Variants in SPON1 observed in about 807,000 individuals in gnomAD.
SPON1 encodes the protein spondin 1.
SPON1 carries 52 observed loss-of-function variants against 111.7 expected under a neutral mutation model. The ratio of observed to expected loss-of-function variants is 0.47; its 90% CI spans 0.37 to 0.59. The LOEUF is 0.59. Ranked by LOEUF, SPON1 falls within the 20% of genes least tolerant of loss-of-function variation. SPON1 has a pLI of 0.00. For synonymous variants in SPON1, 410 were observed against 395.8 expected (o/e 1.04, Z -0.43); for missense variants, 957 against 1,068.5 (o/e 0.90, Z 1.46).
intron 7 of SPON1, among the ~76,000 whole-genome samples, chr11:14,246,125 A>G (rs1450125200): frequency 6.6e-6 from 1 of 152,148 alleles, no homozygotes; most frequent in African/African-American, 2.4e-5. Context: ...GTTTGTGGGT[A>G]CCAATTTTTA....
At chr11:14,184,921 C>T (rs371993271) in intron 6 of SPON1, among the ~76,000 whole-genome samples, 2 of 152,196 alleles carry the variant, frequency 1.3e-5, no homozygotes, top group Admixed American at 6.5e-5. Context: ...CCTCAGATTC[C>T]GTGGAACCCA....
intron 2 of SPON1, among the ~76,000 whole-genome samples, chr11:14,028,678 G>A (rs1248655480): frequency 6.6e-6 from 1 of 152,086 alleles, no homozygotes. Context: ...ATGACTCAAA[G>A]TCATGGTCAT....
intron 2 of SPON1, among the ~76,000 whole-genome samples, chr11:14,007,772 G>A (rs1848373845): frequency 6.6e-6 from 1 of 152,128 alleles, no homozygotes; most frequent in Non-Finnish European, 1.5e-5. Flanking sequence ...GGGGGCTGGG[G>A]ACTCCTGCTC....
At chr11:14,087,289 T>G (rs971944907) in intron 5 of SPON1, among the ~76,000 whole-genome samples, 1 of 152,238 alleles carries the variant, frequency 6.6e-6, no homozygotes, top group African/African-American at 2.4e-5. Context: ...TTTGTGCTTA[T>G]AAATTTCCCT....
chr11:14,121,997 C>G (rs1011581867), intron 5 of SPON1, among the ~76,000 whole-genome samples: 1 of 151,290 alleles, frequency 6.6e-6, no homozygotes, highest in African/African-American at 2.4e-5. Context: ...TGTCTTTTAT[C>G]GCTTTTTGTT....
At chr11:14,076,374 A>C (rs1848918028) in intron 4 of SPON1, among the ~76,000 whole-genome samples, 1 of 152,238 alleles carries the variant, frequency 6.6e-6, no homozygotes, top group South Asian at 2.1e-4. Context: ...ACTAAGAAAA[A>C]GAAAGGTTGA....
At position 14,265,901 on chromosome 11, in the gene SPON1, T is replaced by G; in HGVS notation, c.*214T>G. ...GGCGCCCTCACCTCCAGCCAGCCTC[T>G]TCCTGCAGAGGAGTAGTGTCAGCCA... On this transcript the variant is annotated 3_prime_UTR_variant, in exon 16 of 16. Coordinates refer to ENST00000576479, the MANE Select transcript of SPON1 (RefSeq NM_006108.4). The G allele has an allele frequency of 2.0e-6, 1 of 508,122 alleles. No individual in the cohort carries two copies. The highest frequency in any genetic ancestry group is 3.5e-6 in the Non-Finnish European group (1 of 285,354). The allele number at this position is 508,122 out of a possible 1,614,324, so 31.5% of individuals were successfully genotyped here. A position where few individuals can be genotyped will look rare whatever the true frequency, so the allele number is the denominator to read the frequency against.
intron 6 of SPON1, among the ~76,000 whole-genome samples, chr11:14,165,562 G>A (rs1236227157): frequency 2.6e-5 from 4 of 152,258 alleles, no homozygotes; most frequent in African/African-American, 7.2e-5. Context: ...GGTAAATAAC[G>A]AGTCCGAGGA....
At chr11:14,110,064 A>C (rs1009389876) in intron 5 of SPON1, among the ~76,000 whole-genome samples, 2 of 152,184 alleles carry the variant, frequency 1.3e-5, no homozygotes, top group Non-Finnish European at 2.9e-5. Flanking sequence ...ACTAACAACA[A>C]AGCAGATGCT....
At chr11:14,045,082 A>G (rs1848658436) in intron 3 of SPON1, among the ~76,000 whole-genome samples, 2 of 152,204 alleles carry the variant, frequency 1.3e-5, no homozygotes, top group South Asian at 2.1e-4. Context: ...GCACATTTAT[A>G]ATTTTATTAG....
chr11:14,172,316 C>T (rs1230192171), intron 6 of SPON1, among the ~76,000 whole-genome samples: 1 of 151,740 alleles, frequency 6.6e-6, no homozygotes, highest in African/African-American at 2.4e-5. Context: ...GGTTGCAACC[C>T]CTGCCTTTTT....
intron 5 of SPON1, among the ~76,000 whole-genome samples, chr11:14,121,690 C>T (rs1490721364): frequency 6.6e-6 from 1 of 152,094 alleles, no homozygotes; most frequent in Non-Finnish European, 1.5e-5. Flanking sequence ...CCATTTCCAG[C>T]ACTCTTTATT....
chr11:14,211,646 C>T lies in SPON1; in HGVS notation c.826-31686C>T, dbSNP rs57979448. On this transcript the variant is annotated intron_variant, in intron 6 of 15. Transcript: ENST00000576479. ...CATCTTATATTCTTATATTATTATACGTGTAGTTTTCTAGGGGTTTACTGC... is the reference window on the plus strand; with the variant it reads ...CATCTTATATTCTTATATTATTATATGTGTAGTTTTCTAGGGGTTTACTGC... 8.7e-3 allele frequency among the ~76,000 whole-genome samples: 1,327 copies of T among 152,170 alleles called. 22 individuals carry two copies. Among genetic ancestry groups the T allele is most frequent in the African/African-American group, 0.03 (1,254 of 41,510 alleles).
chr11:14,193,702 G>A (rs1489615058), intron 6 of SPON1, among the ~76,000 whole-genome samples: 9 of 152,082 alleles, frequency 5.9e-5, no homozygotes, highest in African/African-American at 1.9e-4. Flanking sequence ...TTCAAAGCTC[G>A]GGTATTGCCT....
intron 3 of SPON1, among the ~76,000 whole-genome samples, chr11:14,072,824 C>A (rs1177217909): frequency 6.6e-6 from 1 of 152,114 alleles, no homozygotes; most frequent in Non-Finnish European, 1.5e-5. Flanking sequence ...TTTAAAAGAG[C>A]AGATCTGATC....
intron 2 of SPON1, among the ~76,000 whole-genome samples, chr11:13,989,708 C>T (rs534825916): frequency 1.1e-3 from 162 of 152,310 alleles, no homozygotes; most frequent in African/African-American, 3.6e-3. Flanking sequence ...CCTCTATACA[C>T]TGCTTTAAAT....
chr11:14,026,018 A>G (rs1848515373), intron 2 of SPON1, among the ~76,000 whole-genome samples: 1 of 152,164 alleles, frequency 6.6e-6, no homozygotes, highest in Non-Finnish European at 1.5e-5. Flanking sequence ...TAATTATCTG[A>G]AAGAGCTTCC....
At chr11:14,190,978 AAAG>A (rs1404966891) in intron 6 of SPON1, among the ~76,000 whole-genome samples, 1 of 151,914 alleles carries the variant, frequency 6.6e-6, no homozygotes, top group African/African-American at 2.4e-5. Context: ...TGAAAACAAA[AAAG>A]AAAAAAGCAC....
intron 7 of SPON1, among the ~76,000 whole-genome samples, chr11:14,251,810 C>T (rs1196195492): frequency 6.6e-6 from 1 of 152,202 alleles, no homozygotes; most frequent in Non-Finnish European, 1.5e-5. Flanking sequence ...AATGCCACAC[C>T]TCCATAGACT....
Sources: allele counts gnomAD v4.1 joint callset (sites outside exome capture counted in the v4.1 genomes callset), GRCh38; gene constraint gnomAD v4.1.1; transcripts MANE v1.5; gene names NCBI Gene and HGNC (gene_info 2026-07-23, HGNC 2026-07-21).